The following SDK1 variants were observed in gnomAD, a reference collection of about 807,000 sequenced individuals.
SDK1 encodes sidekick cell adhesion molecule 1.
SDK1 carries 157 observed loss-of-function variants against 245.5 expected under a neutral mutation model. That is an observed-to-expected ratio of 0.64 (90% CI 0.56 to 0.73). The LOEUF is 0.73. Ranked by LOEUF, SDK1 falls within the 30% of genes least tolerant of loss-of-function variation. The pLI is 0.00. For missense variants in SDK1, 3,583 were observed against 3,002.3 expected, an observed-to-expected ratio of 1.19 and a Z score of -4.52; for synonymous variants, 1,647 against 1,278.5, an observed-to-expected ratio of 1.29 and a Z score of -6.15.
At chr7:3,858,205 A>G (rs1328966551) in intron 5 of SDK1, among the ~76,000 whole-genome samples, 2 of 152,202 alleles carry the variant, frequency 1.3e-5, no homozygotes, top group African/African-American at 4.8e-5. Context: ...TGTGTGGTGA[A>G]AAGAGAAAAT....
At chr7:3,664,894 T>C (rs745948752) in intron 4 of SDK1, among the ~76,000 whole-genome samples, 8 of 152,104 alleles carry the variant, frequency 5.3e-5, no homozygotes, top group Non-Finnish European at 1.0e-4. Flanking sequence ...TACTTTCATA[T>C]CTTATTTGAA....
chr7:3,499,521 T>G (rs377500035), intron 1 of SDK1, among the ~76,000 whole-genome samples: 3 of 152,250 alleles, frequency 2.0e-5, no homozygotes, highest in East Asian at 1.9e-4. Flanking sequence ...TCTCATTGTT[T>G]CCGTCTCTCT....
At chr7:4,258,722 C>A (rs1787777660) in intron 44 of SDK1, among the ~76,000 whole-genome samples, 1 of 152,108 alleles carries the variant, frequency 6.6e-6, no homozygotes, top group Non-Finnish European at 1.5e-5. Flanking sequence ...TCTCGTTTTT[C>A]CCCACTAGGA....
At chr7:3,413,381 G>A (rs1032310427) in intron 1 of SDK1, among the ~76,000 whole-genome samples, 19 of 152,280 alleles carry the variant, frequency 1.2e-4, no homozygotes, top group African/African-American at 4.3e-4. Context: ...TGGATGTGAT[G>A]TTGAGATTTA....
chr7:3,325,985 C>G lies in SDK1; in HGVS notation c.298+24101C>G, dbSNP rs147278448. 7.3e-4 allele frequency among the ~76,000 whole-genome samples: 111 copies of G among 152,118 alleles called. No individual in the cohort carries two copies. In the East Asian group the frequency reaches 0.017, roughly 24 times the overall value. ...CACTCTCATAGGGATAAAGAGCCAA[C>G]CAAATAAAAGGGCAGACATATACTT... On this transcript the variant is annotated intron_variant, in intron 1 of 44. Coordinates refer to ENST00000404826, the MANE Select transcript of SDK1 (RefSeq NM_152744.4).
chr7:3,533,072 TAGATC>T (rs1182122220), intron 1 of SDK1, among the ~76,000 whole-genome samples: 1 of 152,206 alleles, frequency 6.6e-6, no homozygotes, highest in Non-Finnish European at 1.5e-5. Context: ...ATACATGTAT[TAGATC>T]AGAAAGAAAA....
At chr7:3,466,824 C>G (rs1324246638) in intron 1 of SDK1, among the ~76,000 whole-genome samples, 1 of 151,676 alleles carries the variant, frequency 6.6e-6, no homozygotes, top group African/African-American at 2.4e-5. Flanking sequence ...TTTTCATAAC[C>G]AAGGATTTTT....
In SDK1 at chr7:4,139,581, GTA is replaced by G. The variant is rs796325916; in HGVS notation, c.4229-6139_4229-6138del. ...TATATATGTGTGTATATGTGTGTGT[GTA>G]TGTGTGTGTATATGTATATATGTGT... On this transcript the variant is annotated intron_variant, in intron 28 of 44. Coordinates refer to ENST00000404826, the MANE Select transcript of SDK1 (RefSeq NM_152744.4). Among the ~76,000 whole-genome samples the G allele has an allele frequency of 1.3e-4, 3 of 23,590 alleles. 1 individual carries two copies. The highest frequency in any genetic ancestry group is 4.2e-4 in the African/African-American group (3 of 7,202). The allele number at this position is 23,590 out of a possible 152,430, so 15.5% of individuals were successfully genotyped here. A position where few individuals can be genotyped will look rare whatever the true frequency, so the allele number is the denominator to read the frequency against.
chr7:4,062,033 A>C (rs1779577212), intron 19 of SDK1, among the ~76,000 whole-genome samples: 1 of 150,382 alleles, frequency 6.6e-6, no homozygotes, highest in Admixed American at 6.6e-5. Flanking sequence ...CCTAATGCTA[A>C]ATGACGAGTT....
At chr7:3,605,145 A>ACACACACACACACACAC (rs1781380235) in intron 1 of SDK1, among the ~76,000 whole-genome samples, 2 of 147,316 alleles carry the variant, frequency 1.4e-5, no homozygotes, top group Admixed American at 6.7e-5. Context: ...AAAAACAAGA[A>ACACACACACACACACAC]ACACACACAC....
Position 3,650,911 on chromosome 7 carries a change from C to G in SDK1, c.713+8806C>G, listed in dbSNP as rs1376738472. The stretch of plus-strand genomic sequence containing the variant: ...CTAGTTGGTTTCCTGTTGTTGTTGT[C>G]TAGTGTTTCTTGGTGTGGCCATAAT... On this transcript the variant is annotated intron_variant, in intron 4 of 44. Coordinates refer to ENST00000404826, the MANE Select transcript of SDK1 (RefSeq NM_152744.4). Among the ~76,000 whole-genome samples, 3 of 148,536 alleles carry G rather than the reference C, an allele frequency of 2.0e-5. 1 individual carries two copies. The South Asian group carries it at 6.5e-4, about 32-fold the overall frequency.
chr7:4,200,170 G>T (rs1783807494), intron 35 of SDK1, among the ~76,000 whole-genome samples: 1 of 152,144 alleles, frequency 6.6e-6, no homozygotes, highest in Non-Finnish European at 1.5e-5. Flanking sequence ...CCAGAGCCAG[G>T]TCTGGGTGTG....
intron 17 of SDK1, among the ~76,000 whole-genome samples, chr7:4,032,045 GTACA>G (rs1297633062): frequency 2.1e-5 from 3 of 144,436 alleles, no homozygotes; most frequent in East Asian, 2.0e-4. Context: ...AAAAAAAAAA[GTACA>G]TAGATAGATA....
At chr7:3,415,812 A>G (rs1317361133) in intron 1 of SDK1, among the ~76,000 whole-genome samples, 1 of 151,960 alleles carries the variant, frequency 6.6e-6, no homozygotes, top group Non-Finnish European at 1.5e-5. Flanking sequence ...ACCAATTTCC[A>G]TTGCCTAGCA....
rs141650763 is a variant in SDK1, at chr7:4,215,385, T to C, written c.5540-4724T>C. ...CCGACTCTGCGCTGGGCCACGGGAT[T>C]CGCTTCAGCCAGCGGGACAATAGCT... On this transcript the variant is annotated intron_variant, in intron 38 of 44. Transcript: ENST00000404826. Among the ~76,000 whole-genome samples, 557 of 152,342 alleles carry C rather than the reference T, an allele frequency of 3.7e-3. 4 individuals carry two copies. Among genetic ancestry groups the C allele is most frequent in the African/African-American group, 0.013 (535 of 41,592 alleles).
At chr7:3,669,572 C>T (rs1191417023) in intron 4 of SDK1, among the ~76,000 whole-genome samples, 1 of 152,170 alleles carries the variant, frequency 6.6e-6, no homozygotes, top group East Asian at 1.9e-4. Flanking sequence ...TCTTCTTAGA[C>T]CTCTTTGCCA....
intron 1 of SDK1, among the ~76,000 whole-genome samples, chr7:3,405,814 C>CTTTTTTTTTTTTTTTTTT (rs534692477): frequency 4.8e-5 from 6 of 125,388 alleles, no homozygotes; most frequent in Non-Finnish European, 5.0e-5. Context: ...TTCTTTCTTT[C>CTTTTTTTTTTTTTTTTTT]TTTTTTTTTT....
intron 1 of SDK1, among the ~76,000 whole-genome samples, chr7:3,554,386 C>A (rs551882844): frequency 1.3e-5 from 2 of 151,666 alleles, no homozygotes; most frequent in African/African-American, 4.8e-5. Flanking sequence ...AATAAAAATA[C>A]ATAAAACTGA....
At chr7:3,970,841 T>G (rs752962355) in intron 11 of SDK1, among the ~76,000 whole-genome samples, 3 of 152,170 alleles carry the variant, frequency 2.0e-5, no homozygotes, top group Non-Finnish European at 2.9e-5. Flanking sequence ...GAACTTAGCC[T>G]TGTGACTCCG....
Sources: allele counts gnomAD v4.1 joint callset (sites outside exome capture counted in the v4.1 genomes callset), GRCh38; gene constraint gnomAD v4.1.1; transcripts MANE v1.5; gene names NCBI Gene and HGNC (gene_info 2026-07-23, HGNC 2026-07-21).